The following QTRT2 variants were observed in gnomAD, a reference collection of about 807,000 sequenced individuals.
The protein encoded by QTRT2 is queuine tRNA-ribosyltransferase domain containing 1.
QTRT2 carries 32 observed loss-of-function variants against 44.8 expected under a neutral mutation model. That is an observed-to-expected ratio of 0.71 (90% CI 0.54 to 0.96). QTRT2 has a LOEUF of 0.96. Among genes scored for constraint, QTRT2 ranks in the 40% least tolerant of loss-of-function variants. The probability of loss-of-function intolerance (pLI) is 0.00; values close to 1 mark genes in which losing one functional copy is unlikely to be tolerated. For missense variants in QTRT2, 461 were observed against 503.1 expected, an observed-to-expected ratio of 0.92 and a Z score of 0.80; for synonymous variants, 182 against 187.4, an observed-to-expected ratio of 0.97 and a Z score of 0.24.
intron 2 of QTRT2, among the ~76,000 whole-genome samples, chr3:114,064,888 A>T (rs2076932119): frequency 6.6e-6 from 1 of 152,230 alleles, no homozygotes; most frequent in Non-Finnish European, 1.5e-5. Flanking sequence ...TTCTCTGTAT[A>T]CATTTTCAAG....
intron 6 of QTRT2, among the ~76,000 whole-genome samples, chr3:114,076,094 G>C (rs1024599988): frequency 2.6e-5 from 4 of 152,102 alleles, no homozygotes; most frequent in African/African-American, 9.7e-5. Flanking sequence ...AAGCAGGCCT[G>C]GATAGTCATT....
At chr3:114,060,176 G>A (rs1478855896) in intron 2 of QTRT2, among the ~76,000 whole-genome samples, 2 of 152,214 alleles carry the variant, frequency 1.3e-5, no homozygotes, top group Non-Finnish European at 2.9e-5. Context: ...TCAGGACTGA[G>A]TGGATGATTA....
intron 8 of QTRT2, among the ~76,000 whole-genome samples, chr3:114,082,141 A>G (rs1203069947): frequency 1.3e-5 from 2 of 151,836 alleles, no homozygotes; most frequent in Admixed American, 1.3e-4. Flanking sequence ...TATTTGGAAT[A>G]TAGGTAGTTC....
At chr3:114,065,984 A>G (rs1400585732) in intron 3 of QTRT2, among the ~76,000 whole-genome samples, 1 of 152,240 alleles carries the variant, frequency 6.6e-6, no homozygotes, top group East Asian at 1.9e-4. Flanking sequence ...AAGAAAATTC[A>G]AGTATTCTGA....
chr3:114,066,153 AGAG>A, intron 3 of QTRT2, 72 bp from the exon 4 acceptor site: 1 of 1,038,318 alleles, frequency 9.6e-7, no homozygotes. Context: ...GGTGAGGAGA[AGAG>A]GGCTCCAGTT....
chr3:114,085,132 G>A (rs1302901990), intron 9 of QTRT2, among the ~76,000 whole-genome samples: 2 of 152,126 alleles, frequency 1.3e-5, no homozygotes, highest in African/African-American at 4.8e-5. Context: ...ATGCTCCTTT[G>A]TAACCCCAGA....
chr3:114,065,454 C>A lies in QTRT2; in HGVS notation c.197C>A (p.Ser66Tyr). Residue 66 changes from serine (S) to tyrosine (Y), a missense_variant, in exon 3 of 10, where the codon TCC becomes TAC. Coordinates refer to ENST00000281273, the MANE Select transcript of QTRT2 (RefSeq NM_024638.4). ...VPAMAQLTLS[S>Y]LAEHHEVLTE... ...GCCATGGCTCAGCTTACGCTGTCAT[C>A]CCTGTAAGTGTTAGAACCAATGATT... 6.2e-7 allele frequency: 1 copy of A among 1,610,850 alleles called. No homozygotes were observed.
chr3:114,070,687 T>C lies in QTRT2; in HGVS notation c.395T>C (p.Ile132Thr), dbSNP rs763465289. 3 of 1,614,196 alleles carry C rather than the reference T, an allele frequency of 1.9e-6. No homozygotes were observed. In the South Asian group the frequency reaches 3.3e-5, roughly 18 times the overall value. Residue 132 changes from isoleucine (I) to threonine (T), a missense_variant, in exon 6 of 10, where the codon ATT becomes ACT. By Grantham distance (89) the Ile-to-Thr change is moderately conservative. Coordinates refer to ENST00000281273, the MANE Select transcript of QTRT2 (RefSeq NM_024638.4). The part of the protein sequence containing the change: ...VEMTVSKFMA[I>T]QKALQPDWFQ... ...ATGACTGTTTCCAAGTTCATGGCAA[T>C]TCAGAAGGCCCTTCAGCCAGACTGG... is the stretch of plus-strand genomic sequence containing the variant.
At position 114,065,423 on chromosome 3, in the gene QTRT2, G is replaced by A. The variant is rs201253930; in HGVS notation, c.166G>A (p.Val56Ile). The change falls in exon 3 of 10, where the codon GTT (valine) becomes ATT (isoleucine). Residue 56 changes from valine (V) to isoleucine (I), a missense_variant. By Grantham distance (29) the Val-to-Ile change is conservative. Transcript: ENST00000281273. Reference protein sequence around the residue: ...THHTLHNIHGVPAMAQLTLSS... With the variant: ...THHTLHNIHGIPAMAQLTLSS... ...TCACACGCTGCATAATATCCACGGG[G>A]TTCCTGCCATGGCTCAGCTTACGCT... 6.2e-7 allele frequency: 1 copy of A among 1,614,006 alleles called. No individual in the cohort carries two copies.
At chr3:114,077,421 T>C (rs1359455268) in intron 7 of QTRT2, 1 of 160,680 alleles carries the variant, frequency 6.2e-6, no homozygotes, top group Non-Finnish European at 1.4e-5. Context: ...ATTTTTGAAA[T>C]TGAGGGGACT....
Position 114,065,337 on chromosome 3 carries a change from C to T in QTRT2, c.80C>T (p.Thr27Ile). ...AACCTGGGCAAAACAGGGGACCACACCATGGATATTCCAGGCTGCCTTCTG... is the reference window on the plus strand; with the variant it reads ...AACCTGGGCAAAACAGGGGACCACATCATGGATATTCCAGGCTGCCTTCTG... ...IKNLGKTGDH[T>I]MDIPGCLLYT... The change falls in exon 3 of 10, where the codon ACC becomes ATC. Residue 27 changes from threonine (T) to isoleucine (I), a missense_variant. Physicochemically the swap from Thr to Ile is moderately conservative, Grantham distance 89. Coordinates refer to ENST00000281273, the MANE Select transcript of QTRT2 (RefSeq NM_024638.4). The T allele has an allele frequency of 3.1e-6, 5 of 1,614,086 alleles. No homozygotes were observed. Among genetic ancestry groups the T allele is most frequent in the Non-Finnish European group, 4.2e-6 (5 of 1,179,974 alleles).
intron 3 of QTRT2, 76 bp downstream of exon 3, chr3:114,065,533 AT>A (rs998772367): frequency 4.4e-4 from 493 of 1,110,310 alleles, no homozygotes; most frequent in Middle Eastern, 5.9e-4. Context: ...AAAGAGAAAT[AT>A]TTTTTTTTGT....
chr3:114,067,954 C>A, intron 4 of QTRT2, 33 bp from the exon 5 acceptor site: 5 of 1,592,044 alleles, frequency 3.1e-6, no homozygotes, highest in Non-Finnish European at 4.3e-6. Flanking sequence ...TTGATGTAAG[C>A]ACTTTCAAGG....
In QTRT2 at chr3:114,086,139, A is replaced by G. The variant is rs537460279; in HGVS notation, c.*235A>G. 3 of 469,506 alleles carry G rather than the reference A, an allele frequency of 6.4e-6. No individual in the cohort carries two copies. Among genetic ancestry groups the G allele is most frequent in the Non-Finnish European group, 1.2e-5 (3 of 256,418 alleles). 29.1% of individuals were successfully genotyped at this position (469,506 alleles called of 1,614,324 possible). ...TTGAACTGTGACCTTTAAGACTTCT[A>G]GACTAATTCTTTTAGTTGATAGAGA... On this transcript the variant is annotated 3_prime_UTR_variant, in exon 10 of 10. Coordinates refer to ENST00000281273, the MANE Select transcript of QTRT2 (RefSeq NM_024638.4).
chr3:114,057,107 G>A lies in QTRT2; in HGVS notation c.-22+1G>A. 2.3e-6 allele frequency: 3 copies of A among 1,332,128 alleles called. No individual in the cohort carries two copies. Among genetic ancestry groups the A allele is most frequent in the Non-Finnish European group, 2.9e-6 (3 of 1,042,358 alleles). The allele number at this position is 1,332,128 out of a possible 1,614,324, so 82.5% of individuals were successfully genotyped here. A position where few individuals can be genotyped will look rare whatever the true frequency, so the allele number is the denominator to read the frequency against. The stretch of plus-strand genomic sequence containing the variant: ...CCTTTCGACTAGCCTCTGCTGAAAG[G>A]TAGAGTTTTCAGGAAGTTTTTATTC... On this transcript the variant is annotated splice_donor_variant, in intron 2 of 9. Transcript: ENST00000281273. LOFTEE classifies it low-confidence loss of function (5UTR_SPLICE).
chr3:114,083,320 T>C (rs56353505), intron 9 of QTRT2, among the ~76,000 whole-genome samples: 11,031 of 67,868 alleles, frequency 0.16, 444 homozygotes, highest in Middle Eastern at 0.28. Flanking sequence ...GCTGCTGTTG[T>C]TGTTGTTGTT....
chr3:114,064,732 A>G (rs1339211089), intron 2 of QTRT2, among the ~76,000 whole-genome samples: 1 of 152,162 alleles, frequency 6.6e-6, no homozygotes, highest in East Asian at 1.9e-4. Context: ...ATTTTTCCAT[A>G]TATTTTCATA....
At chr3:114,072,332 T>C (rs2077034902) in intron 6 of QTRT2, among the ~76,000 whole-genome samples, 1 of 152,160 alleles carries the variant, frequency 6.6e-6, no homozygotes, top group Non-Finnish European at 1.5e-5. Flanking sequence ...TTTGTATTTT[T>C]AGCTGAGACG....
intron 6 of QTRT2, among the ~76,000 whole-genome samples, chr3:114,071,107 C>G (rs2077019131): frequency 6.6e-6 from 1 of 152,126 alleles, no homozygotes; most frequent in Non-Finnish European, 1.5e-5. Flanking sequence ...ATTGTATATA[C>G]TATCAAGATT....
Sources: allele counts gnomAD v4.1 joint callset (sites outside exome capture counted in the v4.1 genomes callset), GRCh38; gene constraint gnomAD v4.1.1; transcripts MANE v1.5; gene names NCBI Gene and HGNC (gene_info 2026-07-23, HGNC 2026-07-21).